The following ENOX1 variants were observed in gnomAD, a reference collection of about 807,000 sequenced individuals.
ENOX1 encodes the protein ecto-NOX disulfide-thiol exchanger 1.
ENOX1 carries 42 observed loss-of-function variants against 82.5 expected under a neutral mutation model. The ratio of observed to expected loss-of-function variants is 0.51; its 90% CI spans 0.40 to 0.66. The LOEUF (loss-of-function observed/expected upper bound fraction) is 0.66. Ranked by LOEUF, ENOX1 falls within the 30% of genes least tolerant of loss-of-function variation. The probability of loss-of-function intolerance (pLI) is 0.00; values close to 1 mark genes in which losing one functional copy is unlikely to be tolerated. For synonymous variants in ENOX1, 271 were observed against 282.2 expected (o/e 0.96, Z 0.40); for missense variants, 608 against 811.6 (o/e 0.75, Z 3.05).
At chr13:43,321,075 T>C (rs2047779898) in intron 11 of ENOX1, 1 of 456,316 alleles carries the variant, frequency 2.2e-6, no homozygotes, top group South Asian at 1.5e-5. Context: ...AATAGTGGCA[T>C]GGTGCCTACT....
intron 3 of ENOX1, among the ~76,000 whole-genome samples, chr13:43,467,644 A>G (rs2057794335): frequency 6.6e-6 from 1 of 152,152 alleles, no homozygotes; most frequent in Admixed American, 6.5e-5. Flanking sequence ...TTTGAAGCAC[A>G]AAAGTTTAAA....
intron 4 of ENOX1, among the ~76,000 whole-genome samples, chr13:43,412,544 C>T (rs1386492811): frequency 3.3e-5 from 5 of 152,182 alleles, no homozygotes; most frequent in African/African-American, 1.2e-4. Context: ...CCTTTACAAA[C>T]TTTTACATTA....
chr13:43,537,816 A>C (rs1460319782), intron 2 of ENOX1, among the ~76,000 whole-genome samples: 3 of 152,188 alleles, frequency 2.0e-5, no homozygotes, highest in Non-Finnish European at 2.9e-5. Context: ...ATTGGAACTA[A>C]GGAGTAGAAA....
chr13:43,399,075 C>T (rs529163941), intron 5 of ENOX1, among the ~76,000 whole-genome samples: 1 of 151,716 alleles, frequency 6.6e-6, no homozygotes, highest in Admixed American at 6.6e-5. Context: ...ATTGTAGGCA[C>T]TGGGCCCAGC....
intron 4 of ENOX1, 76 bp from the exon 5 acceptor site, chr13:43,412,129 T>A: frequency 6.6e-7 from 1 of 1,518,760 alleles, no homozygotes; most frequent in Non-Finnish European, 9.1e-7. Context: ...CATTTCTAGA[T>A]ATGTGAGGCT....
rs1429062690 is a variant in ENOX1, at chr13:43,616,167, T to TAG, written c.-219+51311_-219+51312insCT. On this transcript the variant is annotated intron_variant, in intron 2 of 16. Transcript: ENST00000690772. Reference sequence around the variant, plus strand: ...ATATCTATATAGATAGATATCTATCTATCTATCTATCTATCTATCTATATA... The same window carrying TAG: ...ATATCTATATAGATAGATATCTATCTAGATCTATCTATCTATCTATCTATATA... Among the ~76,000 whole-genome samples the TAG allele has an allele frequency of 1.8e-3, 10 of 5,448 alleles. 2 individuals are homozygous for TAG. The highest frequency in any genetic ancestry group is 2.9e-3 in the African/African-American group (10 of 3,504). 3.6% of individuals were successfully genotyped at this position (5,448 alleles called of 152,430 possible).
At chr13:43,289,194 T>C (rs1244193368) in intron 12 of ENOX1, among the ~76,000 whole-genome samples, 1 of 152,198 alleles carries the variant, frequency 6.6e-6, no homozygotes, top group African/African-American at 2.4e-5. Context: ...CTAATGTCAT[T>C]CTTTACAGAA....
chr13:43,550,869 T>C (rs2079166347), intron 2 of ENOX1, among the ~76,000 whole-genome samples: 1 of 152,200 alleles, frequency 6.6e-6, no homozygotes, highest in African/African-American at 2.4e-5. Context: ...ACGATAGCAA[T>C]TTAGATCAGC....
At chr13:43,716,373 G>A (rs926489633) in intron 1 of ENOX1, among the ~76,000 whole-genome samples, 4 of 152,070 alleles carry the variant, frequency 2.6e-5, no homozygotes, top group Non-Finnish European at 2.9e-5. Context: ...GCAGAACAGC[G>A]GTGGCTCAGA....
chr13:43,723,624 A>C (rs911955169), intron 1 of ENOX1, among the ~76,000 whole-genome samples: 2 of 152,206 alleles, frequency 1.3e-5, no homozygotes, highest in Non-Finnish European at 2.9e-5. Context: ...GCCAATGCCA[A>C]GACAATGTGA....
intron 1 of ENOX1, among the ~76,000 whole-genome samples, chr13:43,766,950 A>T (rs984398683): frequency 8.6e-6 from 1 of 115,818 alleles, no homozygotes; most frequent in Non-Finnish European, 1.8e-5. Context: ...TGCCAAAATG[A>T]ATGTCTCTCT....
rs372198617 is a variant in ENOX1 at position 43,670,272 on chromosome 13, T to G, written c.-284-2728A>C. On this transcript the variant is annotated intron_variant, in intron 1 of 16. Transcript: ENST00000690772. ...CATGAAATGCACTTATGGAGAACTCTACAGAGTAGGCTGTGATATGGCAAT... is the reference window on the plus strand; with the variant it reads ...CATGAAATGCACTTATGGAGAACTCGACAGAGTAGGCTGTGATATGGCAAT... Among the ~76,000 whole-genome samples the G allele has an allele frequency of 6.6e-5, 10 of 152,326 alleles. No homozygotes were observed. The East Asian group carries it at 1.5e-3, about 24-fold the overall frequency.
intron 3 of ENOX1, among the ~76,000 whole-genome samples, chr13:43,480,046 C>G (rs951162175): frequency 5.9e-5 from 9 of 151,926 alleles, no homozygotes; most frequent in African/African-American, 1.9e-4. Flanking sequence ...AGCCATTTTC[C>G]TGCCATAGCC....
At chr13:43,529,893 T>G (rs531524697) in intron 2 of ENOX1, among the ~76,000 whole-genome samples, 2 of 152,250 alleles carry the variant, frequency 1.3e-5, no homozygotes, top group African/African-American at 4.8e-5. Flanking sequence ...AACTAAAAAT[T>G]GTTTGCACAG....
At chr13:43,669,981 A>G (rs1174012942) in intron 1 of ENOX1, among the ~76,000 whole-genome samples, 2 of 152,066 alleles carry the variant, frequency 1.3e-5, no homozygotes, top group Non-Finnish European at 2.9e-5. Flanking sequence ...ATTTCCTCCA[A>G]CCCACCATGA....
chr13:43,439,041 C>CTTTTTTTTTTTTTTTTTTT (rs61212622), intron 3 of ENOX1, among the ~76,000 whole-genome samples: 1 of 120,146 alleles, frequency 8.3e-6, no homozygotes, highest in Non-Finnish European at 1.7e-5. Context: ...GTCTTTTAAT[C>CTTTTTTTTTTTTTTTTTTT]TTTTTTTTTT....
intron 2 of ENOX1, among the ~76,000 whole-genome samples, chr13:43,499,502 TACTC>T (rs975193845): frequency 2.6e-5 from 4 of 152,160 alleles, no homozygotes; most frequent in African/African-American, 9.6e-5. Flanking sequence ...CAAATCCACT[TACTC>T]ACAGACACTG....
chr13:43,607,068 T>G (rs1326589966), intron 2 of ENOX1, among the ~76,000 whole-genome samples: 1 of 152,128 alleles, frequency 6.6e-6, no homozygotes, highest in African/African-American at 2.4e-5. Flanking sequence ...TCAACAATAA[T>G]TTATTATACA....
chr13:43,414,084 C>T (rs1033098734), intron 3 of ENOX1, among the ~76,000 whole-genome samples: 1 of 151,920 alleles, frequency 6.6e-6, no homozygotes, highest in Non-Finnish European at 1.5e-5. Context: ...AAGTTCGAAC[C>T]TTTTATGGCA....
Sources: allele counts gnomAD v4.1 joint callset (sites outside exome capture counted in the v4.1 genomes callset), GRCh38; gene constraint gnomAD v4.1.1; transcripts MANE v1.5; gene names NCBI Gene and HGNC (gene_info 2026-07-23, HGNC 2026-07-21).